PATJ: variants seen among roughly 807,000 people sequenced by gnomAD.
PATJ encodes the protein inaD-like protein.
PATJ carries 190 observed loss-of-function variants against 224.9 expected under a neutral mutation model. That is an observed-to-expected ratio of 0.84 (90% CI 0.75 to 0.95). The LOEUF (loss-of-function observed/expected upper bound fraction) is 0.95. PATJ is among the 40% of genes least tolerant of loss of function. PATJ has a pLI of 0.00. For missense variants in PATJ, 2,121 were observed against 2,270.3 expected (o/e 0.93, Z 1.34); for synonymous variants, 769 against 820.3 (o/e 0.94, Z 1.07).
intron 17 of PATJ, among the ~76,000 whole-genome samples, chr1:61,841,581 G>C (rs1661090865): frequency 7.4e-6 from 1 of 135,674 alleles, no homozygotes; most frequent in East Asian, 2.3e-4. Context: ...CTGACATCTA[G>C]GTTTTTTTTT....
intron 7 of PATJ, among the ~76,000 whole-genome samples, chr1:61,785,775 AATT>A (rs761208842): frequency 2.2e-4 from 34 of 152,322 alleles, no homozygotes; most frequent in Middle Eastern, 3.4e-3. Context: ...CATTTTGATA[AATT>A]ATTATTTACC....
intron 27 of PATJ, 148 bp downstream of exon 27, chr1:61,927,977 T>G: frequency 3.4e-6 from 2 of 595,264 alleles, no homozygotes; most frequent in Non-Finnish European, 2.9e-6. Context: ...CCTTTGAAGC[T>G]TTTGTGGCGT....
chr1:61,927,763 C>T lies in PATJ; in HGVS notation c.3604C>T (p.Pro1202Ser), dbSNP rs1435190362. 6.2e-7 allele frequency: 1 copy of T among 1,613,508 alleles called. No homozygotes were observed. The highest frequency in any genetic ancestry group is 8.5e-7 in the Non-Finnish European group (1 of 1,179,686). Residue 1202 changes from proline to serine, a missense_variant, in exon 27 of 44, where the codon CCT becomes TCT. Pro to Ser is a moderately conservative substitution (Grantham distance 74, BLOSUM62 -1). Coordinates refer to ENST00000642238, the MANE Select transcript of PATJ (RefSeq NM_001350145.3). ...AACTGCTCCACCGCCAATGAAACTT[C>T]CTCCTCCTTATAAAGCTCTGACTGA... ...QGTAPPPMKL[P>S]PPYKALTDDS...
chr1:61,977,840 T>C (rs569389091), intron 27 of PATJ, among the ~76,000 whole-genome samples: 2 of 150,664 alleles, frequency 1.3e-5, no homozygotes, highest in South Asian at 4.2e-4. Flanking sequence ...ATGGGGCCTC[T>C]GTGAATAGCC....
intron 38 of PATJ, among the ~76,000 whole-genome samples, chr1:62,122,447 T>C (rs1323140972): frequency 6.6e-6 from 1 of 151,422 alleles, no homozygotes; most frequent in Admixed American, 6.6e-5. Flanking sequence ...TCCAGGCAGC[T>C]GCTGCTATAT....
chr1:61,762,926 A>G lies in PATJ; in HGVS notation c.22+12A>G. The G allele has an allele frequency of 6.6e-7, 1 of 1,517,552 alleles. No homozygotes were observed. Among genetic ancestry groups the G allele is most frequent in the Non-Finnish European group, 9.0e-7 (1 of 1,107,200 alleles). The allele number at this position is 1,517,552 out of a possible 1,614,324, so 94.0% of individuals were successfully genotyped here. A position where few individuals can be genotyped will look rare whatever the true frequency, so the allele number is the denominator to read the frequency against. On this transcript the variant is annotated intron_variant, in intron 2 of 43. Transcript: ENST00000642238. ...AAATCCTGCTACAGGTATACTGGAT[A>G]TATTGTTCTATAATTAAATTAATTA... is the stretch of plus-strand genomic sequence containing the variant.
intron 22 of PATJ, among the ~76,000 whole-genome samples, chr1:61,889,658 C>T (rs1000309478): frequency 5.3e-5 from 8 of 152,166 alleles, no homozygotes; most frequent in African/African-American, 9.7e-5. Context: ...GTGACTTCTG[C>T]GCAGGCAGCA....
intron 37 of PATJ, among the ~76,000 whole-genome samples, chr1:62,120,076 A>G (rs1223307485): frequency 6.6e-6 from 1 of 152,216 alleles, no homozygotes; most frequent in Non-Finnish European, 1.5e-5. Context: ...CTTAAATCAT[A>G]TCCTTTAAGG....
At chr1:62,144,872 T>C (rs1485038269) in intron 41 of PATJ, among the ~76,000 whole-genome samples, 1 of 151,710 alleles carries the variant, frequency 6.6e-6, no homozygotes, top group Non-Finnish European at 1.5e-5. Context: ...TCTTATTTTA[T>C]TTTTGAGACA....
chr1:61,756,486 A>G (rs897702317), intron 1 of PATJ, among the ~76,000 whole-genome samples: 3 of 151,622 alleles, frequency 2.0e-5, no homozygotes, highest in African/African-American at 7.3e-5. Context: ...AACAAGCCCT[A>G]CAGGTGATTC....
At chr1:62,067,454 A>G (rs1234374716) in intron 31 of PATJ, among the ~76,000 whole-genome samples, 1 of 151,946 alleles carries the variant, frequency 6.6e-6, no homozygotes, top group African/African-American at 2.4e-5. Flanking sequence ...GTGGCCTTTC[A>G]TTACTCTTAC....
chr1:62,145,918 A>G (rs1331139180), intron 41 of PATJ, among the ~76,000 whole-genome samples: 1 of 152,204 alleles, frequency 6.6e-6, no homozygotes, highest in African/African-American at 2.4e-5. Context: ...AGATCGTGCC[A>G]CTGCACTCCA....
At chr1:62,131,351 CAA>C (rs989667320) in intron 41 of PATJ, among the ~76,000 whole-genome samples, 2 of 152,184 alleles carry the variant, frequency 1.3e-5, no homozygotes, top group African/African-American at 4.8e-5. Context: ...CCTTGAATTA[CAA>C]AGACCTTAGG....
Position 62,163,768 on chromosome 1 carries a change from C to T in PATJ, c.*2714C>T, listed in dbSNP as rs1356916359. 1 of 152,106 alleles carries T rather than the reference C, an allele frequency of 6.6e-6. No individual in the cohort carries two copies. The highest frequency in any genetic ancestry group is 2.4e-5 in the African/African-American group (1 of 41,416). 9.4% of individuals were successfully genotyped at this position (152,106 alleles called of 1,614,324 possible). ...AAGAAGTAGTGCTCTTATATTTGGCCTCATCATTTGGGCCATTTCAGTATA... is the reference window on the plus strand; with the variant it reads ...AAGAAGTAGTGCTCTTATATTTGGCTTCATCATTTGGGCCATTTCAGTATA... On this transcript the variant is annotated 3_prime_UTR_variant, in exon 44 of 44. Transcript: ENST00000642238.
intron 5 of PATJ, among the ~76,000 whole-genome samples, chr1:61,769,693 A>G (rs1003618627): frequency 3.9e-5 from 6 of 152,188 alleles, no homozygotes; most frequent in African/African-American, 1.4e-4. Context: ...CAGAGCTGTT[A>G]ATGCTGGAGC....
chr1:61,965,336 GC>G (rs1681976587), intron 27 of PATJ, among the ~76,000 whole-genome samples: 1 of 151,724 alleles, frequency 6.6e-6, no homozygotes, highest in African/African-American at 2.4e-5. Flanking sequence ...CCTGTACTGT[GC>G]CTAAAACTCA....
intron 33 of PATJ, among the ~76,000 whole-genome samples, chr1:62,085,659 T>A (rs919670797): frequency 3.3e-5 from 5 of 151,116 alleles, no homozygotes; most frequent in African/African-American, 9.7e-5. Flanking sequence ...ACAAAGAAAA[T>A]TTTTTTTAAA....
Position 61,771,546 on chromosome 1 carries a change from A to G in PATJ, c.640A>G (p.Arg214Gly), listed in dbSNP as rs1026594369. 6.2e-6 allele frequency: 10 copies of G among 1,613,430 alleles called. No homozygotes were observed. In the African/African-American group the frequency reaches 1.3e-4, roughly 22 times the overall value. ...ALLQQTTGSLRLIVAREPVHT... is the reference protein window; with the variant it reads ...ALLQQTTGSLGLIVAREPVHT... ...ATTACAACAAACCACTGGATCTTTG[A>G]GACTGATTGTGGCCAGGGAACCAGT... Residue 214 changes from arginine (R) to glycine (G), a missense_variant, in exon 6 of 44, where the codon AGA (arginine) becomes GGA (glycine). Arg to Gly is a moderately radical substitution (Grantham distance 125). Transcript: ENST00000642238.
rs1357530993 is a variant in PATJ, at chr1:61,959,623, G to T, written c.3671-30545G>T. 2.7e-5 allele frequency among the ~76,000 whole-genome samples: 4 copies of T among 150,920 alleles called. No individual in the cohort carries two copies. The East Asian group carries it at 7.9e-4, about 30-fold the overall frequency. On this transcript the variant is annotated intron_variant, in intron 27 of 43. Coordinates refer to ENST00000642238, the MANE Select transcript of PATJ (RefSeq NM_001350145.3). ...CTGGCTAATTTTTAAAAAATTCTTT[G>T]TAGAGATGGGGTCTAACCAGGTTGC...
Sources: allele counts gnomAD v4.1 joint callset (sites outside exome capture counted in the v4.1 genomes callset), GRCh38; gene constraint gnomAD v4.1.1; transcripts MANE v1.5; gene names NCBI Gene and HGNC (gene_info 2026-07-23, HGNC 2026-07-21).